The following PAPOLA variants were observed in gnomAD, a reference collection of about 807,000 sequenced individuals.
PAPOLA encodes the protein poly(A) polymerase alpha.
A neutral mutation model predicts 100.6 loss-of-function variants in PAPOLA; 15 were observed. The observed-to-expected ratio is 0.15, with a 90% CI of 0.10 to 0.23. The LOEUF is 0.23. Among genes scored for constraint, PAPOLA ranks in the 10% least tolerant of loss-of-function variants. PAPOLA has a pLI of 1.00. For synonymous variants in PAPOLA, 293 were observed against 300.0 expected (o/e 0.98, Z 0.24); for missense variants, 533 against 884.2 (o/e 0.60, Z 5.04).
rs1479650795 is a variant in PAPOLA, at chr14:96,566,016, A to G, written c.*966A>G. 3.8e-5 allele frequency: 15 copies of G among 397,186 alleles called. No individual in the cohort carries two copies. The highest frequency in any genetic ancestry group is 1.3e-4 in the Admixed American group (3 of 22,694). The allele number at this position is 397,186 out of a possible 1,614,324, so 24.6% of individuals were successfully genotyped here. A position where few individuals can be genotyped will look rare whatever the true frequency, so the allele number is the denominator to read the frequency against. ...ACACTAAATTTTGGTCCCATGGCTGAAACTTGAGGGTGACTAAAAGTAATG... is the reference window on the plus strand; with the variant it reads ...ACACTAAATTTTGGTCCCATGGCTGGAACTTGAGGGTGACTAAAAGTAATG... On this transcript the variant is annotated 3_prime_UTR_variant, in exon 22 of 22. Transcript: ENST00000216277.
intron 6 of PAPOLA, among the ~76,000 whole-genome samples, chr14:96,530,513 A>G (rs1898907733): frequency 6.6e-6 from 1 of 151,118 alleles, no homozygotes; most frequent in Non-Finnish European, 1.5e-5. Context: ...CAGCCCCCCC[A>G]AGTAGGTGGG....
At chr14:96,563,443 T>G (rs183611956) in intron 21 of PAPOLA, among the ~76,000 whole-genome samples, 3 of 152,298 alleles carry the variant, frequency 2.0e-5, no homozygotes, top group African/African-American at 7.2e-5. Context: ...TTTCATTGAT[T>G]TGTGAACCTT....
At chr14:96,510,237 T>C (rs1437368174) in intron 1 of PAPOLA, among the ~76,000 whole-genome samples, 1 of 152,202 alleles carries the variant, frequency 6.6e-6, no homozygotes, top group African/African-American at 2.4e-5. Context: ...TAGAAACATT[T>C]AAATTACATT....
chr14:96,517,853 A>C (rs1897597454), intron 1 of PAPOLA, among the ~76,000 whole-genome samples: 1 of 152,060 alleles, frequency 6.6e-6, no homozygotes, highest in East Asian at 1.9e-4. Flanking sequence ...ATAGCATGCC[A>C]CCACACCTGG....
At chr14:96,545,793 G>A (rs1168989321) in intron 15 of PAPOLA, among the ~76,000 whole-genome samples, 1 of 152,036 alleles carries the variant, frequency 6.6e-6, no homozygotes. Context: ...AATGTCGTAT[G>A]TAGGGTGATA....
chr14:96,507,945 G>A (rs976895903), intron 1 of PAPOLA, among the ~76,000 whole-genome samples: 6 of 152,048 alleles, frequency 3.9e-5, no homozygotes, highest in Admixed American at 2.0e-4. Context: ...GTGCTAGCTC[G>A]GCTCACTGCA....
chr14:96,518,722 C>T (rs1336247119), intron 1 of PAPOLA, among the ~76,000 whole-genome samples: 1 of 151,246 alleles, frequency 6.6e-6, no homozygotes, highest in Non-Finnish European at 1.5e-5. Flanking sequence ...GATTATCACA[C>T]TTTAACTTAA....
At chr14:96,543,279 GTTATGAACTTATAAAAATCTGAT>G (rs1235492293) in intron 14 of PAPOLA, among the ~76,000 whole-genome samples, 2 of 151,866 alleles carry the variant, frequency 1.3e-5, no homozygotes, top group Non-Finnish European at 2.9e-5. Context: ...TTAATTTTTT[GTTATGAACTTATAAAAATCTGAT>G]TTATGCGTGA....
chr14:96,546,596 A>G (rs1900412970), intron 15 of PAPOLA, among the ~76,000 whole-genome samples: 1 of 152,090 alleles, frequency 6.6e-6, no homozygotes, highest in South Asian at 2.1e-4. Context: ...TAAGTAATAT[A>G]CCCAGTGAGG....
At chr14:96,514,835 CA>C (rs1897341677) in intron 1 of PAPOLA, among the ~76,000 whole-genome samples, 1 of 152,136 alleles carries the variant, frequency 6.6e-6, no homozygotes, top group Non-Finnish European at 1.5e-5. Flanking sequence ...TGCAGAGATG[CA>C]ACTTACCAAG....
intron 1 of PAPOLA, among the ~76,000 whole-genome samples, chr14:96,510,299 T>C (rs552823496): frequency 1.3e-5 from 2 of 152,184 alleles, no homozygotes; most frequent in Non-Finnish European, 1.5e-5. Flanking sequence ...TTGACTATTT[T>C]CTGATACATT....
intron 17 of PAPOLA, 168 bp downstream of exon 17, chr14:96,552,790 GT>G: frequency 3.4e-6 from 2 of 592,494 alleles, no homozygotes; most frequent in Non-Finnish European, 5.8e-6. Flanking sequence ...GTACTTTTTG[GT>G]TTTGTCTTGT....
chr14:96,560,568 A>G, intron 19 of PAPOLA, 81 bp from the exon 20 acceptor site: 1 of 868,842 alleles, frequency 1.2e-6, no homozygotes, highest in Non-Finnish European at 1.9e-6. Flanking sequence ...TATAGTTTTA[A>G]AGTTTATAAA....
At chr14:96,525,096 A>G (rs988508706) in intron 3 of PAPOLA, among the ~76,000 whole-genome samples, 3 of 152,216 alleles carry the variant, frequency 2.0e-5, no homozygotes, top group Non-Finnish European at 4.4e-5. Context: ...ACAATAAAGA[A>G]TAAACCTCTT....
In PAPOLA at chr14:96,514,505, T is replaced by C. The variant is rs950605979; in HGVS notation, c.9-5550T>C. The stretch of plus-strand genomic sequence containing the variant: ...CTATTTGCATTAGATTTCTAACTAC[T>C]GTACCAAGGTGGTTCTTGATAGTTG... On this transcript the variant is annotated intron_variant, in intron 1 of 21. Transcript: ENST00000216277. Among the ~76,000 whole-genome samples the C allele has an allele frequency of 2.0e-5, 3 of 152,362 alleles. No homozygotes were observed. The East Asian group carries it at 5.8e-4, about 29-fold the overall frequency.
intron 4 of PAPOLA, chr14:96,527,152 C>T: frequency 7.5e-6 from 3 of 397,498 alleles, no homozygotes; most frequent in Non-Finnish European, 1.3e-5. Flanking sequence ...TGAATAATTC[C>T]CTCTCCACCA....
In PAPOLA at chr14:96,531,606, C is replaced by T. The variant is rs1899022107; in HGVS notation, c.607+20C>T. 2.5e-6 allele frequency: 4 copies of T among 1,581,176 alleles called. No individual in the cohort carries two copies. The highest frequency in any genetic ancestry group is 3.4e-6 in the Non-Finnish European group (4 of 1,161,734). On this transcript the variant is annotated intron_variant, in intron 7 of 21. Coordinates refer to ENST00000216277, the MANE Select transcript of PAPOLA (RefSeq NM_032632.5). ...TTAACGGTATGAGAAAGCCTACTTC[C>T]TTTTGTGTACTTCAGTTTTTGTCAG...
chr14:96,510,500 A>T (rs570063613), intron 1 of PAPOLA, among the ~76,000 whole-genome samples: 1 of 152,170 alleles, frequency 6.6e-6, no homozygotes, highest in South Asian at 2.1e-4. Context: ...CTTGTGCGCA[A>T]AGGGGCAGTT....
chr14:96,519,303 A>G (rs893699547), intron 1 of PAPOLA, among the ~76,000 whole-genome samples: 3 of 152,126 alleles, frequency 2.0e-5, no homozygotes, highest in African/African-American at 7.2e-5. Flanking sequence ...CTTATTGTGT[A>G]CTTGGTTTTG....
Sources: gnomAD v4.1 joint callset for allele counts (sites outside exome capture counted in the v4.1 genomes callset) on GRCh38, gnomAD v4.1.1 for gene constraint, MANE v1.5 for transcripts, NCBI Gene and HGNC (gene_info 2026-07-23, HGNC 2026-07-21) for gene names.